LRP6: variants seen among roughly 807,000 people sequenced by gnomAD.
LRP6 encodes low-density lipoprotein receptor-related protein 6.
LRP6 carries 43 observed loss-of-function variants against 184.1 expected under a neutral mutation model. That is an observed-to-expected ratio of 0.23 (90% CI 0.18 to 0.30). The LOEUF is 0.30. Ranked by LOEUF, LRP6 falls within the 10% of genes least tolerant of loss-of-function variation. The pLI is 1.00. For synonymous variants in LRP6, 719 were observed against 684.9 expected (o/e 1.05, Z -0.78); for missense variants, 1,571 against 2,005.3 (o/e 0.78, Z 4.14).
intron 2 of LRP6, among the ~76,000 whole-genome samples, chr12:12,209,475 A>G (rs1456047912): frequency 6.6e-6 from 1 of 152,214 alleles, no homozygotes; most frequent in Non-Finnish European, 1.5e-5. Context: ...ACAATAAGTG[A>G]AACTAAGGCA....
rs1010281130 is a variant in LRP6 at position 12,118,012 on chromosome 12, G to A, written c.*3114C>T. The A allele has an allele frequency of 1.3e-5, 2 of 152,108 alleles. No homozygotes were observed. Among genetic ancestry groups the A allele is most frequent in the African/African-American group, 4.8e-5 (2 of 41,406 alleles). The allele number at this position is 152,108 out of a possible 1,614,324, so 9.4% of individuals were successfully genotyped here. A position where few individuals can be genotyped will look rare whatever the true frequency, so the allele number is the denominator to read the frequency against. Reference sequence around the variant, plus strand: ...TACCTATCATCTCTGTAGAATAGGTGTTCTCAAACTTACTAAAGAATCAGA... The same window carrying A: ...TACCTATCATCTCTGTAGAATAGGTATTCTCAAACTTACTAAAGAATCAGA... On this transcript the variant is annotated 3_prime_UTR_variant, in exon 23 of 23. Coordinates refer to ENST00000261349, the MANE Select transcript of LRP6 (RefSeq NM_002336.3).
At chr12:12,171,073 T>C (rs1378541828) in intron 7 of LRP6, among the ~76,000 whole-genome samples, 2 of 152,192 alleles carry the variant, frequency 1.3e-5, no homozygotes, top group South Asian at 2.1e-4. Context: ...GTACTAACAA[T>C]GGTTAAAACT....
intron 3 of LRP6, among the ~76,000 whole-genome samples, chr12:12,190,541 C>T (rs181856435): frequency 7.9e-4 from 121 of 152,316 alleles, no homozygotes; most frequent in Non-Finnish European, 1.2e-3. Flanking sequence ...CTCCCAGGCA[C>T]CTCTTGCTAG....
chr12:12,155,822 G>T, intron 12 of LRP6: 1 of 670,608 alleles, frequency 1.5e-6, no homozygotes, highest in Non-Finnish European at 2.7e-6. Flanking sequence ...AAAAAAAAAA[G>T]GTTAAATAAT....
chr12:12,244,169 C>T (rs1247607706), intron 2 of LRP6, 93 bp downstream of exon 2: 2 of 1,285,102 alleles, frequency 1.6e-6, no homozygotes, highest in African/African-American at 1.5e-5. Context: ...TGTTTTCGAT[C>T]TTTCTTTTCT....
At chr12:12,153,511 T>TA (rs1321998604) in intron 12 of LRP6, among the ~76,000 whole-genome samples, 2 of 152,144 alleles carry the variant, frequency 1.3e-5, no homozygotes, top group Non-Finnish European at 2.9e-5. Context: ...AAATGCAGAT[T>TA]AAGAGAAAGC....
Position 12,126,555 on chromosome 12 carries a change from C to T in LRP6, c.4312+136G>A, listed in dbSNP as rs531049678. 1.1e-5 allele frequency: 8 copies of T among 733,906 alleles called. No homozygotes were observed. The Admixed American group carries it at 1.3e-4, about 12-fold the overall frequency. The allele number at this position is 733,906 out of a possible 1,614,324, so 45.5% of individuals were successfully genotyped here. A position where few individuals can be genotyped will look rare whatever the true frequency, so the allele number is the denominator to read the frequency against. ...AGAAGGTGCTAATAGTAAAAAAGAACGTTTGTCCTTATAATTGTTTAAACT... is the reference window on the plus strand; with the variant it reads ...AGAAGGTGCTAATAGTAAAAAAGAATGTTTGTCCTTATAATTGTTTAAACT... On this transcript the variant is annotated intron_variant, in intron 20 of 22. Transcript: ENST00000261349.
intron 7 of LRP6, among the ~76,000 whole-genome samples, chr12:12,178,186 GAT>G (rs1445400165): frequency 6.6e-6 from 1 of 152,142 alleles, no homozygotes. Flanking sequence ...TATTCTTAAA[GAT>G]GGTCACTCAG....
In LRP6 at chr12:12,118,608, A is replaced by G. The variant is rs768295879; in HGVS notation, c.*2518T>C. The G allele has an allele frequency of 1.3e-5, 2 of 152,156 alleles. No homozygotes were observed. Among genetic ancestry groups the G allele is most frequent in the Non-Finnish European group, 2.9e-5 (2 of 68,036 alleles). The allele number at this position is 152,156 out of a possible 1,614,324, so 9.4% of individuals were successfully genotyped here. ...TTTCCAATTACAGCTTGTGTTTGAT[A>G]ATCAATATACAGTTTACTTAAGCTT... is the stretch of plus-strand genomic sequence containing the variant. On this transcript the variant is annotated 3_prime_UTR_variant, in exon 23 of 23. Coordinates refer to ENST00000261349, the MANE Select transcript of LRP6 (RefSeq NM_002336.3).
At chr12:12,156,521 T>C (rs895082432) in intron 12 of LRP6, among the ~76,000 whole-genome samples, 2 of 152,256 alleles carry the variant, frequency 1.3e-5, no homozygotes, top group African/African-American at 2.4e-5. Context: ...TTTTATTCTG[T>C]GTGAAATGAG....
At chr12:12,221,149 G>A (rs564481688) in intron 2 of LRP6, among the ~76,000 whole-genome samples, 79 of 152,190 alleles carry the variant, frequency 5.2e-4, no homozygotes, top group African/African-American at 1.8e-3. Flanking sequence ...CCTTCTTTCT[G>A]TACACACATT....
chr12:12,148,703 T>C (rs1950042133), intron 14 of LRP6, among the ~76,000 whole-genome samples: 1 of 152,164 alleles, frequency 6.6e-6, no homozygotes, highest in Non-Finnish European at 1.5e-5. Flanking sequence ...GAAATGGTCC[T>C]GGAGGTGTGG....
At position 12,163,044 on chromosome 12, in the gene LRP6, C is replaced by T. The variant is rs1280448469; in HGVS notation, c.2053-625G>A. On this transcript the variant is annotated intron_variant, in intron 9 of 22. Coordinates refer to ENST00000261349, the MANE Select transcript of LRP6 (RefSeq NM_002336.3). ...AGGCTGGAGTGCAGTGGCATGATCT[C>T]GGCTCACTGCAACTTCTGCCTCCCA... 4.6e-5 allele frequency among the ~76,000 whole-genome samples: 7 copies of T among 152,182 alleles called. 1 individual carries two copies. The Middle Eastern group carries it at 0.01, about 222-fold the overall frequency.
At chr12:12,264,546 C>T (rs1381879512) in intron 1 of LRP6, among the ~76,000 whole-genome samples, 1 of 152,148 alleles carries the variant, frequency 6.6e-6, no homozygotes, top group Non-Finnish European at 1.5e-5. Context: ...GTCTCCCAGA[C>T]TCTCACATAC....
Position 12,266,994 on chromosome 12 carries a change from C to A in LRP6, c.-259G>T. On this transcript the variant is annotated 5_prime_UTR_variant, in exon 1 of 23. Transcript: ENST00000261349. ...CCTCCTCCCCCGGCGCCCCGCTTCC[C>A]CCGCGCAGCTCCTCATTCAGCCTCT... 1.9e-6 allele frequency: 1 copy of A among 527,400 alleles called. No individual in the cohort carries two copies. The highest frequency in any genetic ancestry group is 2.4e-5 in the South Asian group (1 of 42,434). 32.7% of individuals were successfully genotyped at this position (527,400 alleles called of 1,614,324 possible).
At position 12,172,773 on chromosome 12, in the gene LRP6, G is replaced by T. The variant is rs117989098; in HGVS notation, c.1545+7037C>A. On this transcript the variant is annotated intron_variant, in intron 7 of 22. Transcript: ENST00000261349. ...TTTAAAACACAGAATATTTATCCAC[G>T]GAAATAACATTTCAATCATGCCAAA... Among the ~76,000 whole-genome samples the T allele has an allele frequency of 4.1e-4, 62 of 152,102 alleles. 2 individuals carry two copies. The South Asian group carries it at 0.012, about 30-fold the overall frequency.
intron 2 of LRP6, among the ~76,000 whole-genome samples, chr12:12,221,725 A>G (rs181277010): frequency 6.6e-6 from 1 of 152,306 alleles, no homozygotes; most frequent in Admixed American, 6.5e-5. Flanking sequence ...TATCCATAGC[A>G]TTCTATTCTT....
chr12:12,266,072 C>T (rs1006107361), intron 1 of LRP6, among the ~76,000 whole-genome samples: 1 of 152,116 alleles, frequency 6.6e-6, no homozygotes, highest in African/African-American at 2.4e-5. Context: ...TTATTATGGG[C>T]TGAAGCTCAG....
chr12:12,183,837 T>C (rs979747465), intron 5 of LRP6, 143 bp downstream of exon 5: 2 of 700,062 alleles, frequency 2.9e-6, no homozygotes, highest in Non-Finnish European at 5.0e-6. Flanking sequence ...AACACTCCTA[T>C]TCTATAACCA....
Sources: gnomAD v4.1 joint callset for allele counts (sites outside exome capture counted in the v4.1 genomes callset) on GRCh38, gnomAD v4.1.1 for gene constraint, MANE v1.5 for transcripts, NCBI Gene and HGNC (gene_info 2026-07-23, HGNC 2026-07-21) for gene names.